Variants in FLI1 observed in about 807,000 individuals in gnomAD.
FLI1 encodes the protein Fli-1 proto-oncogene, ETS transcription factor.
Under a neutral mutation model 53.1 loss-of-function variants are expected in FLI1, and 13 were observed. The ratio of observed to expected loss-of-function variants is 0.24; its 90% CI spans 0.16 to 0.39. FLI1 has a LOEUF of 0.39. Ranked by LOEUF, FLI1 falls within the 10% of genes least tolerant of loss-of-function variation. The pLI, the probability that FLI1 is intolerant of heterozygous loss-of-function variation, is 1.00. For missense variants in FLI1, 424 were observed against 600.5 expected (o/e 0.71, Z 3.07); for synonymous variants, 244 against 236.7 (o/e 1.03, Z -0.28).
At chr11:128,701,927 A>G (rs1473743538) in intron 1 of FLI1, among the ~76,000 whole-genome samples, 1 of 152,230 alleles carries the variant, frequency 6.6e-6, no homozygotes, top group Non-Finnish European at 1.5e-5. Flanking sequence ...GTCTGAATAT[A>G]TGGGTATTCA....
In FLI1 at chr11:128,741,753, C is replaced by A. The variant is rs1439722490; in HGVS notation, c.19-16362C>A. ...CCCCCGATTCCTGCTCAGTTCACGG[C>A]TTTCCTGTCCTCTGAAATCCCTTCC... is the stretch of plus-strand genomic sequence containing the variant. On this transcript the variant is annotated intron_variant, in intron 1 of 8. Coordinates refer to ENST00000527786, the MANE Select transcript of FLI1 (RefSeq NM_002017.5). Among the ~76,000 whole-genome samples the A allele has an allele frequency of 2.0e-5, 3 of 152,208 alleles. No individual in the cohort carries two copies. The East Asian group carries it at 5.8e-4, about 29-fold the overall frequency.
intron 1 of FLI1, among the ~76,000 whole-genome samples, chr11:128,694,623 A>C (rs1469917664): frequency 7.5e-6 from 1 of 133,704 alleles, no homozygotes; most frequent in Admixed American, 7.3e-5. Flanking sequence ...CTCGGGGTCC[A>C]CCACTCCCAC....
intron 6 of FLI1, 166 bp downstream of exon 6, chr11:128,805,597 TG>T (rs1942761206): frequency 3.6e-6 from 2 of 554,034 alleles, no homozygotes. Context: ...TACCAGTCCT[TG>T]AAAGATGATA....
At chr11:128,801,070 G>A (rs1342762050) in intron 5 of FLI1, among the ~76,000 whole-genome samples, 4 of 152,308 alleles carry the variant, frequency 2.6e-5, no homozygotes, top group East Asian at 3.9e-4. Flanking sequence ...CACTGGTGCC[G>A]ACGGCCACAT....
rs1476376604 is a variant in FLI1 at position 128,812,707 on chromosome 11, G to A, written c.*1719G>A. On this transcript the variant is annotated 3_prime_UTR_variant, in exon 9 of 9. Coordinates refer to ENST00000527786, the MANE Select transcript of FLI1 (RefSeq NM_002017.5). ...GGAGCAAAGCGAGCTGGTCTATCCAGACTGGTCTGTGAGATTTAACTCTGC... is the reference window on the plus strand; with the variant it reads ...GGAGCAAAGCGAGCTGGTCTATCCAAACTGGTCTGTGAGATTTAACTCTGC... 1 of 221,102 alleles carries A rather than the reference G, an allele frequency of 4.5e-6. No individual in the cohort carries two copies. Among genetic ancestry groups the A allele is most frequent in the African/African-American group, 2.2e-5 (1 of 44,744 alleles). The allele number at this position is 221,102 out of a possible 1,614,324, so 13.7% of individuals were successfully genotyped here. A position where few individuals can be genotyped will look rare whatever the true frequency, so the allele number is the denominator to read the frequency against.
chr11:128,796,604 A>G (rs551360722), intron 5 of FLI1, among the ~76,000 whole-genome samples: 5 of 152,278 alleles, frequency 3.3e-5, no homozygotes, highest in South Asian at 4.1e-4. Flanking sequence ...TCTTTTAACT[A>G]CTGTGCTCTG....
intron 3 of FLI1, 197 bp downstream of exon 3, chr11:128,768,469 A>C (rs1230892832): frequency 1.6e-6 from 1 of 613,002 alleles, no homozygotes; most frequent in Admixed American, 2.7e-5. Flanking sequence ...ATCACTTGTC[A>C]GGAGTTCAAG....
chr11:128,694,192 T>TG lies in FLI1; in HGVS notation c.-66dup. ...CCGCGCCGGGCTAATCCGAAGGGGC[T>TG]GCGAGGTCAGGCTGTAACCGGGTCA... On this transcript the variant is annotated 5_prime_UTR_variant, in exon 1 of 9. Coordinates refer to ENST00000527786, the MANE Select transcript of FLI1 (RefSeq NM_002017.5). The TG allele has an allele frequency of 8.0e-6, 12 of 1,502,186 alleles. No individual in the cohort carries two copies. Among genetic ancestry groups the TG allele is most frequent in the Non-Finnish European group, 1.1e-5 (12 of 1,125,928 alleles). The allele number at this position is 1,502,186 out of a possible 1,614,324, so 93.1% of individuals were successfully genotyped here.
chr11:128,798,372 TAGA>T (rs1383689016), intron 5 of FLI1, among the ~76,000 whole-genome samples: 1 of 151,694 alleles, frequency 6.6e-6, no homozygotes, highest in Non-Finnish European at 1.5e-5. Flanking sequence ...AGAAATGAAA[TAGA>T]AGAAGGTCCC....
chr11:128,686,561 T>G (rs1865807160), exon 1 of FLI1: 1 of 438,098 alleles, frequency 2.3e-6, no homozygotes, highest in African/African-American at 2.0e-5. Flanking sequence ...CATCCCCACT[T>G]CATCACCATC....
chr11:128,772,053 CACACACACACACACACACACACACAT>C lies in FLI1; in HGVS notation c.386-720_386-695del, dbSNP rs1401237723. On this transcript the variant is annotated intron_variant, in intron 3 of 8. Transcript: ENST00000527786. The stretch of plus-strand genomic sequence containing the variant: ...CCACACACACACACACACACACACA[CACACACACACACACACACACACACAT>C]ACACACACTGAGAAGGAGGAGGAGG... Among the ~76,000 whole-genome samples, 5 of 145,696 alleles carry C rather than the reference CACACACACACACACACACACACACAT, an allele frequency of 3.4e-5. No homozygotes were observed. In the East Asian group the frequency reaches 7.8e-4, roughly 23 times the overall value.
At chr11:128,743,110 G>A (rs1465395716) in intron 1 of FLI1, among the ~76,000 whole-genome samples, 3 of 152,082 alleles carry the variant, frequency 2.0e-5, no homozygotes, top group African/African-American at 7.2e-5. Context: ...GGAGCCATCT[G>A]GACATGGTGG....
At chr11:128,736,867 G>A (rs1382409501) in intron 1 of FLI1, among the ~76,000 whole-genome samples, 1 of 152,094 alleles carries the variant, frequency 6.6e-6, no homozygotes, top group African/African-American at 2.4e-5. Flanking sequence ...GGAGAACCAT[G>A]AACAAGACAA....
chr11:128,695,012 G>A lies in FLI1; in HGVS notation c.18+736G>A, dbSNP rs1041936349. Among the ~76,000 whole-genome samples, 6 of 141,890 alleles carry A rather than the reference G, an allele frequency of 4.2e-5. 1 individual carries two copies. Among genetic ancestry groups the A allele is most frequent in the Admixed American group, 1.4e-4 (2 of 14,238 alleles). The allele number at this position is 141,890 out of a possible 152,430, so 93.1% of individuals were successfully genotyped here. A position where few individuals can be genotyped will look rare whatever the true frequency, so the allele number is the denominator to read the frequency against. On this transcript the variant is annotated intron_variant, in intron 1 of 8. Transcript: ENST00000527786. ...CAGATCCCTAGCGCCCCGAGCCCCC[G>A]CCCTTCGCGCCTAGGCGTGCGCCGG...
chr11:128,707,937 T>C (rs1394143763), intron 1 of FLI1, among the ~76,000 whole-genome samples: 4 of 152,258 alleles, frequency 2.6e-5, no homozygotes, highest in Non-Finnish European at 5.9e-5. Context: ...TCATCTTTTT[T>C]TCTCTCCTAA....
intron 5 of FLI1, among the ~76,000 whole-genome samples, chr11:128,800,573 T>A (rs1266680773): frequency 1.3e-5 from 2 of 152,240 alleles, no homozygotes; most frequent in East Asian, 3.8e-4. Context: ...AACATTGGTA[T>A]GTCTATGAGA....
At chr11:128,753,524 G>A (rs1273802359) in intron 1 of FLI1, among the ~76,000 whole-genome samples, 2 of 152,198 alleles carry the variant, frequency 1.3e-5, no homozygotes, top group South Asian at 2.1e-4. Flanking sequence ...CCTCAGTTAA[G>A]TACTTATTGA....
intron 4 of FLI1, 48 bp from the exon 5 acceptor site, chr11:128,781,910 T>A (rs1941926924): frequency 1.4e-6 from 2 of 1,456,926 alleles, no homozygotes; most frequent in Admixed American, 3.3e-5. Flanking sequence ...CTACTCTTGA[T>A]CTCAGAAGAA....
At chr11:128,685,619 C>T (rs1338738124), upstream of FLI1, among the ~76,000 whole-genome samples, 3 of 148,686 alleles carry the variant, frequency 2.0e-5, no homozygotes, top group Admixed American at 6.8e-5. Context: ...AGAAAGTGCG[C>T]CTGGGCGGAG....
Sources: allele counts gnomAD v4.1 joint callset (sites outside exome capture counted in the v4.1 genomes callset), GRCh38; gene constraint gnomAD v4.1.1; transcripts MANE v1.5; gene names NCBI Gene and HGNC (gene_info 2026-07-23, HGNC 2026-07-21).